Variants in NOP58 observed in about 807,000 individuals in gnomAD.
NOP58 encodes NOP58 ribonucleoprotein, also known as nucleolar protein 58.
NOP58 carries 44 observed loss-of-function variants against 71.2 expected under a neutral mutation model. That is an observed-to-expected ratio of 0.62 (90% CI 0.49 to 0.79). NOP58 has a LOEUF of 0.79. Among genes scored for constraint, NOP58 ranks in the 30% least tolerant of loss-of-function variants. The pLI is 0.00. For synonymous variants in NOP58, 228 were observed against 200.3 expected, an observed-to-expected ratio of 1.14 and a Z score of -1.17; for missense variants, 538 against 620.2, an observed-to-expected ratio of 0.87 and a Z score of 1.41.
chr2:202,289,643 T>C (rs1282286396), intron 6 of NOP58, among the ~76,000 whole-genome samples: 5 of 152,112 alleles, frequency 3.3e-5, no homozygotes, highest in Admixed American at 3.3e-4. Flanking sequence ...TAAAAAGAAA[T>C]GAAATTCTGA....
chr2:202,295,218 G>GTGAAA (rs1688971157), intron 9 of NOP58, among the ~76,000 whole-genome samples: 1 of 152,192 alleles, frequency 6.6e-6, no homozygotes, highest in Admixed American at 6.5e-5. Context: ...TGAAAGCACA[G>GTGAAA]GTAGGGGACT....
intron 1 of NOP58, among the ~76,000 whole-genome samples, chr2:202,272,911 C>T (rs1688532636): frequency 6.6e-6 from 1 of 151,996 alleles, no homozygotes; most frequent in Non-Finnish European, 1.5e-5. Flanking sequence ...GAGGTGGGTG[C>T]ATCATGAGGT....
intron 13 of NOP58, among the ~76,000 whole-genome samples, chr2:202,300,583 G>C (rs1198955406): frequency 6.6e-6 from 1 of 152,068 alleles, no homozygotes; most frequent in Non-Finnish European, 1.5e-5. Context: ...GTCAAATTAG[G>C]TATTTTACTA....
At position 202,297,480 on chromosome 2, in the gene NOP58, A is replaced by G; in HGVS notation, c.1173A>G (p.Leu391=). ...SAMGVENRAK[L]EARLRTLEDR... The stretch of plus-strand genomic sequence containing the variant: ...TGGGAGTTGAGAACAGAGCCAAATT[A>G]GAGGCCAGGTTGAGAACTTTGGAAG... The change falls in exon 11 of 15, where the codon TTA becomes TTG. Residue 391 remains leucine, a synonymous_variant. Transcript: ENST00000264279. 3 of 1,614,054 alleles carry G rather than the reference A, an allele frequency of 1.9e-6. No homozygotes were observed. Among genetic ancestry groups the G allele is most frequent in the Non-Finnish European group, 2.5e-6 (3 of 1,179,930 alleles).
chr2:202,267,760 G>A (rs1401927982), intron 1 of NOP58, among the ~76,000 whole-genome samples: 3 of 152,092 alleles, frequency 2.0e-5, no homozygotes, highest in Non-Finnish European at 2.9e-5. Flanking sequence ...CTTATCAATG[G>A]TCGGATTTCT....
intron 1 of NOP58, among the ~76,000 whole-genome samples, chr2:202,270,243 G>C (rs1000273846): frequency 6.6e-6 from 1 of 152,156 alleles, no homozygotes; most frequent in Non-Finnish European, 1.5e-5. Context: ...TTTTCTAGAA[G>C]TTTCATGTAA....
At chr2:202,298,826 A>G (rs1206391523) in intron 12 of NOP58, among the ~76,000 whole-genome samples, 1 of 152,066 alleles carries the variant, frequency 6.6e-6, no homozygotes, top group Non-Finnish European at 1.5e-5. Flanking sequence ...TGAGGTTGTG[A>G]TGATGCAGGT....
intron 3 of NOP58, among the ~76,000 whole-genome samples, chr2:202,281,436 T>C (rs760192010): frequency 2.0e-5 from 3 of 152,050 alleles, no homozygotes; most frequent in African/African-American, 4.8e-5. Context: ...AAGCATACTT[T>C]TTATGTTTTT....
intron 14 of NOP58, 43 bp downstream of exon 14, chr2:202,303,100 G>A: frequency 2.5e-6 from 4 of 1,576,390 alleles, no homozygotes; most frequent in Non-Finnish European, 3.4e-6. Context: ...GGAGGGGCCA[G>A]TTCTCTATAT....
chr2:202,265,970 G>T lies in NOP58; in HGVS notation c.29G>T (p.Gly10Val). The stretch of plus-strand genomic sequence containing the variant: ...TTGGTGCTGTTTGAAACGTCTGTGG[G>T]TTACGCCATCTTTAAGGTAGGTGGG... MLVLFETSV[G>V]YAIFKVLNEK... Residue 10 changes from glycine (G) to valine (V), a missense_variant, in exon 1 of 15, where the codon GGT becomes GTT. Coordinates refer to ENST00000264279, the MANE Select transcript of NOP58 (RefSeq NM_015934.5). 2 of 1,614,172 alleles carry T rather than the reference G, an allele frequency of 1.2e-6. No homozygotes were observed. Among genetic ancestry groups the T allele is most frequent in the Non-Finnish European group, 1.7e-6 (2 of 1,180,020 alleles).
Position 202,292,837 on chromosome 2 carries a change from G to T in NOP58, c.841G>T (p.Ala281Ser). ...TGAATATCTACAAAATCGAATGATG[G>T]CCATTGCACCCAATGTTACAGTCAT... ...LYEYLQNRMM[A>S]IAPNVTVMVG... The change falls in exon 9 of 15, where the codon GCC (alanine) becomes TCC (serine). Residue 281 changes from alanine to serine, a missense_variant. Transcript: ENST00000264279. 1 of 1,612,992 alleles carries T rather than the reference G, an allele frequency of 6.2e-7. No homozygotes were observed. The highest frequency in any genetic ancestry group is 2.2e-5 in the East Asian group (1 of 44,876).
At chr2:202,294,921 C>T (rs1049637409) in intron 9 of NOP58, among the ~76,000 whole-genome samples, 1 of 151,380 alleles carries the variant, frequency 6.6e-6, no homozygotes, top group African/African-American at 2.4e-5. Flanking sequence ...GCCAAGATCG[C>T]GCCACTGCAC....
chr2:202,275,404 C>T (rs56959739), intron 2 of NOP58: 8,307 of 452,006 alleles, frequency 0.018, 617 homozygotes, highest in African/African-American at 0.15. Context: ...CCCCCTTACC[C>T]ACAGGGATTA....
At position 202,265,945 on chromosome 2, in the gene NOP58, T is replaced by C; in HGVS notation, c.4T>C (p.Leu2=). Residue 2 remains leucine (L), a synonymous_variant, in exon 1 of 15, where the codon TTG becomes CTG. Coordinates refer to ENST00000264279, the MANE Select transcript of NOP58 (RefSeq NM_015934.5). ...GGCGCCCTGACCCGGCCTCACCATGTTGGTGCTGTTTGAAACGTCTGTGGG... is the reference window on the plus strand; with the variant it reads ...GGCGCCCTGACCCGGCCTCACCATGCTGGTGCTGTTTGAAACGTCTGTGGG... M[L]VLFETSVGYA... 6.2e-7 allele frequency: 1 copy of C among 1,614,176 alleles called. No homozygotes were observed. The highest frequency in any genetic ancestry group is 8.5e-7 in the Non-Finnish European group (1 of 1,180,026).
At chr2:202,282,176 C>G (rs1020503056) in intron 3 of NOP58, among the ~76,000 whole-genome samples, 175 bp from the exon 4 acceptor site, 2 of 152,086 alleles carry the variant, frequency 1.3e-5, no homozygotes, top group Non-Finnish European at 2.9e-5. Context: ...GTGGGAAGAT[C>G]AAATGAAATT....
At chr2:202,297,968 ATTTT>A in intron 12 of NOP58, 62 bp downstream of exon 12, 1 of 1,036,620 alleles carries the variant, frequency 9.6e-7, no homozygotes, top group Non-Finnish European at 1.4e-6. Flanking sequence ...ATTGACAGTA[ATTTT>A]TTATTGTAAA....
chr2:202,297,289 T>C, intron 10 of NOP58, 90 bp from the exon 11 acceptor site: 3 of 1,195,124 alleles, frequency 2.5e-6, no homozygotes, highest in Non-Finnish European at 3.6e-6. Flanking sequence ...TGATTCATAA[T>C]AGTTTTATAA....
At chr2:202,296,497 G>C (rs768427434) in intron 10 of NOP58, among the ~76,000 whole-genome samples, 1 of 152,182 alleles carries the variant, frequency 6.6e-6, no homozygotes. Flanking sequence ...ACCTGTGCCT[G>C]TCCTAAATCT....
intron 9 of NOP58, chr2:202,293,215 C>A: frequency 2.0e-6 from 1 of 498,872 alleles, no homozygotes. Flanking sequence ...TTAACATTTT[C>A]ATAATAAAAA....
Sources: allele counts gnomAD v4.1 joint callset (sites outside exome capture counted in the v4.1 genomes callset), GRCh38; gene constraint gnomAD v4.1.1; transcripts MANE v1.5; gene names NCBI Gene and HGNC (gene_info 2026-07-23, HGNC 2026-07-21).